The following DOCK2 variants were observed in gnomAD, a reference collection of about 807,000 sequenced individuals.
DOCK2 encodes dedicator of cytokinesis 2, also known as dedicator of cytokinesis protein 2.
Under a neutral mutation model 248.9 loss-of-function variants are expected in DOCK2, and 87 were observed. That is an observed-to-expected ratio of 0.35 (90% confidence interval 0.29 to 0.42). The LOEUF is 0.42. Among genes scored for constraint, DOCK2 ranks in the 10% least tolerant of loss-of-function variants. The pLI, the probability that DOCK2 is intolerant of heterozygous loss-of-function variation, is 1.00. For missense variants in DOCK2, 1,747 were observed against 2,300.2 expected, an observed-to-expected ratio of 0.76 and a Z score of 4.92; for synonymous variants, 805 against 821.6, an observed-to-expected ratio of 0.98 and a Z score of 0.35.
At chr5:169,684,051 G>C in intron 7 of DOCK2, 145 bp from the exon 8 acceptor site, 1 of 894,372 alleles carries the variant, frequency 1.1e-6, no homozygotes, top group Non-Finnish European at 1.7e-6. Flanking sequence ...AATTGATTCA[G>C]GTTACAGAAG....
chr5:169,853,648 C>A (rs889935383), intron 27 of DOCK2, among the ~76,000 whole-genome samples: 2 of 151,894 alleles, frequency 1.3e-5, no homozygotes, highest in Non-Finnish European at 2.9e-5. Flanking sequence ...AGAAATATGG[C>A]CCCTCACCAG....
chr5:169,929,917 GCATATTAAA>G (rs984774780), intron 27 of DOCK2, among the ~76,000 whole-genome samples: 1 of 152,088 alleles, frequency 6.6e-6, no homozygotes, highest in Non-Finnish European at 1.5e-5. Flanking sequence ...TTAAACATAT[GCATATTAAA>G]CATATTAAAC....
chr5:169,883,931 C>G, intron 27 of DOCK2: 1 of 1,456,316 alleles, frequency 6.9e-7, no homozygotes, highest in East Asian at 2.5e-5. Flanking sequence ...GGACCATACA[C>G]TTCTCCTAGG....
intron 34 of DOCK2, among the ~76,000 whole-genome samples, chr5:170,031,003 T>C (rs1756116510): frequency 6.6e-6 from 1 of 152,230 alleles, no homozygotes; most frequent in African/African-American, 2.4e-5. Flanking sequence ...CTCTGCGCAG[T>C]GCACAAGCTA....
intron 25 of DOCK2, among the ~76,000 whole-genome samples, chr5:169,768,951 T>C (rs1336212157): frequency 6.6e-6 from 1 of 152,218 alleles, no homozygotes; most frequent in Non-Finnish European, 1.5e-5. Flanking sequence ...ACCTCAAGCC[T>C]GCAGTAAGTC....
At chr5:169,864,442 C>T (rs1170834090) in intron 27 of DOCK2, 11 of 1,544,030 alleles carry the variant, frequency 7.1e-6, no homozygotes, top group Non-Finnish European at 9.6e-6. Context: ...TTCCTGCTGC[C>T]GAAAATCATA....
chr5:169,669,359 T>C (rs1288095790), intron 3 of DOCK2, 31 bp downstream of exon 3: 4 of 1,613,620 alleles, frequency 2.5e-6, no homozygotes, highest in South Asian at 1.1e-5. Flanking sequence ...TTTGTGTCAG[T>C]ACTGGAGGTC....
At chr5:169,761,661 G>A in intron 25 of DOCK2, 36 bp downstream of exon 25, 1 of 1,578,058 alleles carries the variant, frequency 6.3e-7, no homozygotes, top group East Asian at 2.2e-5. Context: ...GTGGGGTAAG[G>A]GGCCAATAAA....
intron 30 of DOCK2, among the ~76,000 whole-genome samples, chr5:170,001,203 T>C (rs1375969614): frequency 6.6e-6 from 1 of 152,210 alleles, no homozygotes; most frequent in African/African-American, 2.4e-5. Context: ...GCCTCTGCCC[T>C]GCAGAGGAGG....
chr5:169,779,808 G>T (rs947472427), intron 25 of DOCK2, among the ~76,000 whole-genome samples: 3 of 151,564 alleles, frequency 2.0e-5, no homozygotes, highest in Admixed American at 2.0e-4. Context: ...TGAACAACTC[G>T]CATCAGCTTA....
chr5:169,910,673 A>G (rs928845918), intron 27 of DOCK2, among the ~76,000 whole-genome samples: 2 of 152,156 alleles, frequency 1.3e-5, no homozygotes, highest in African/African-American at 4.8e-5. Context: ...CCCCAAAATG[A>G]CCTGTTACAT....
chr5:169,991,667 C>T (rs1348974329), intron 29 of DOCK2, among the ~76,000 whole-genome samples: 12 of 152,188 alleles, frequency 7.9e-5, no homozygotes, highest in Admixed American at 2.0e-4. Flanking sequence ...CAGAATGATG[C>T]GGACAAAGTG....
At position 169,769,678 on chromosome 5, in the gene DOCK2, T is replaced by C. The variant is rs530189881; in HGVS notation, c.2554+8053T>C. 1.2e-4 allele frequency among the ~76,000 whole-genome samples: 19 copies of C among 152,272 alleles called. No homozygotes were observed. The South Asian group carries it at 3.5e-3, about 28-fold the overall frequency. ...CTGGGGAGGAGGCCAGGGATGTGCA[T>C]GGTATCAGCCCGCCAAGGGGCTTTG... On this transcript the variant is annotated intron_variant, in intron 25 of 51. Coordinates refer to ENST00000520908, the MANE Select transcript of DOCK2 (RefSeq NM_004946.3).
intron 26 of DOCK2, among the ~76,000 whole-genome samples, chr5:169,806,737 C>T (rs959296338): frequency 3.7e-4 from 56 of 152,156 alleles, no homozygotes; most frequent in African/African-American, 1.3e-3. Flanking sequence ...ACAAACAAAT[C>T]GGCAGTCCCC....
chr5:169,738,355 G>A (rs1276761945), intron 22 of DOCK2, among the ~76,000 whole-genome samples: 1 of 152,200 alleles, frequency 6.6e-6, no homozygotes, highest in Non-Finnish European at 1.5e-5. Flanking sequence ...GACCCCCACA[G>A]GTGAAAGGAA....
intron 22 of DOCK2, among the ~76,000 whole-genome samples, chr5:169,720,568 C>T (rs1762140572): frequency 6.6e-6 from 1 of 152,074 alleles, no homozygotes; most frequent in South Asian, 2.1e-4. Flanking sequence ...TGCGCTAATC[C>T]TCAAGGGTTC....
Position 169,906,905 on chromosome 5 carries a change from A to G in DOCK2, c.2799+66053A>G, listed in dbSNP as rs376833044. Among the ~76,000 whole-genome samples, 10 of 152,302 alleles carry G rather than the reference A, an allele frequency of 6.6e-5. No individual in the cohort carries two copies. In the East Asian group the frequency reaches 1.3e-3, roughly 21 times the overall value. ...CATGAGGCTGGTGCTGATGGTGCTG[A>G]GAAAGCAAATGCTGTCTAGAGGGAA... On this transcript the variant is annotated intron_variant, in intron 27 of 51. Coordinates refer to ENST00000520908, the MANE Select transcript of DOCK2 (RefSeq NM_004946.3).
chr5:169,698,485 C>T (rs1760765700), intron 11 of DOCK2, 36 bp downstream of exon 11: 1 of 1,608,182 alleles, frequency 6.2e-7, no homozygotes. Flanking sequence ...TTCTCTTCAA[C>T]CACACCCTTT....
At chr5:169,845,204 C>T (rs1007181043) in intron 27 of DOCK2, among the ~76,000 whole-genome samples, 2 of 150,392 alleles carry the variant, frequency 1.3e-5, no homozygotes, top group African/African-American at 4.9e-5. Context: ...CACCTGCCTG[C>T]CACTTCCATT....
Sources: gnomAD v4.1 joint callset for allele counts (sites outside exome capture counted in the v4.1 genomes callset) on GRCh38, gnomAD v4.1.1 for gene constraint, MANE v1.5 for transcripts, NCBI Gene and HGNC (gene_info 2026-07-23, HGNC 2026-07-21) for gene names.